Variants in GALNTL6 observed in about 807,000 individuals in gnomAD.
The protein encoded by GALNTL6 is polypeptide N-acetylgalactosaminyltransferase-like 6.
In GALNTL6, 46 loss-of-function variants were observed where a neutral mutation model predicts 73.7. That is an observed-to-expected ratio of 0.62 (90% CI 0.49 to 0.80). The LOEUF (loss-of-function observed/expected upper bound fraction) is 0.80, where lower values mean the gene tolerates loss of function less well. Among genes scored for constraint, GALNTL6 ranks in the 30% least tolerant of loss-of-function variants. The pLI is 0.00. For missense variants in GALNTL6, 604 were observed against 755.0 expected (o/e 0.80, Z 2.34); for synonymous variants, 259 against 263.7 (o/e 0.98, Z 0.17).
chr4:172,499,392 G>A (rs1734181793), intron 5 of GALNTL6, among the ~76,000 whole-genome samples: 1 of 152,214 alleles, frequency 6.6e-6, no homozygotes, highest in African/African-American at 2.4e-5. Context: ...TCACAAGACT[G>A]AATCTGCCAG....
intron 3 of GALNTL6, among the ~76,000 whole-genome samples, chr4:172,259,751 T>C (rs907341088): frequency 6.6e-6 from 1 of 151,746 alleles, no homozygotes; most frequent in East Asian, 1.9e-4. Flanking sequence ...GCCTTAGATT[T>C]AAGTCTTTGA....
Position 172,488,478 on chromosome 4 carries a change from A to G in GALNTL6, c.553+139789A>G, listed in dbSNP as rs1398295602. ...GTAGCTGCTGGCCATTAGCCGGAGC[A>G]TATAAGCATGGCTTGTCCCCATGAC... On this transcript the variant is annotated intron_variant, in intron 5 of 12. Transcript: ENST00000506823. Among the ~76,000 whole-genome samples the G allele has an allele frequency of 2.0e-5, 3 of 152,182 alleles. No homozygotes were observed. The East Asian group carries it at 5.8e-4, about 29-fold the overall frequency.
chr4:172,152,885 C>T (rs1172462655), intron 2 of GALNTL6, among the ~76,000 whole-genome samples: 1 of 152,202 alleles, frequency 6.6e-6, no homozygotes, highest in Non-Finnish European at 1.5e-5. Context: ...GCTGGGATTA[C>T]AGGCGTGAGC....
At chr4:172,372,170 A>G (rs897792821) in intron 5 of GALNTL6, among the ~76,000 whole-genome samples, 2 of 152,192 alleles carry the variant, frequency 1.3e-5, no homozygotes, top group African/African-American at 2.4e-5. Context: ...CCATCGGTAT[A>G]TAGGTTAAGG....
intron 5 of GALNTL6, among the ~76,000 whole-genome samples, chr4:172,783,570 A>G (rs369730884): frequency 6.6e-6 from 1 of 150,838 alleles, no homozygotes; most frequent in African/African-American, 2.4e-5. Flanking sequence ...TGCTGCTGTA[A>G]CAAGTTCCCA....
intron 9 of GALNTL6, among the ~76,000 whole-genome samples, chr4:172,944,376 C>T (rs530548126): frequency 1.8e-4 from 27 of 152,240 alleles, no homozygotes; most frequent in Middle Eastern, 3.4e-3. Flanking sequence ...AAATGATTAA[C>T]ATCATTAGTC....
intron 8 of GALNTL6, among the ~76,000 whole-genome samples, chr4:172,922,183 G>A (rs1255384618): frequency 3.9e-5 from 6 of 151,950 alleles, no homozygotes; most frequent in African/African-American, 7.3e-5. Flanking sequence ...TTCACCTCCC[G>A]CCATGATTCT....
chr4:172,486,334 G>A (rs1217143029), intron 5 of GALNTL6, among the ~76,000 whole-genome samples: 1 of 152,148 alleles, frequency 6.6e-6, no homozygotes, highest in Non-Finnish European at 1.5e-5. Context: ...GAAAGTTGTT[G>A]GGTCTCTATT....
chr4:172,765,859 G>A lies in GALNTL6; in HGVS notation c.554-43502G>A, dbSNP rs1579452827. On this transcript the variant is annotated intron_variant, in intron 5 of 12. Transcript: ENST00000506823. ...ACAAAACTTTCCCAAAAAATCACAT[G>A]TTTGCTGAAAAGAAAAAAAAAAGCA... 7.1e-5 allele frequency among the ~76,000 whole-genome samples: 3 copies of A among 41,974 alleles called. No individual in the cohort carries two copies. In the Admixed American group the frequency reaches 7.6e-4, roughly 11 times the overall value. 27.5% of individuals were successfully genotyped at this position (41,974 alleles called of 152,430 possible).
chr4:172,528,333 T>A (rs1432588253), intron 5 of GALNTL6, among the ~76,000 whole-genome samples: 2 of 32,534 alleles, frequency 6.1e-5, no homozygotes, highest in African/African-American at 1.5e-4. Flanking sequence ...TATATATATA[T>A]ATATATATAT....
At chr4:172,235,966 T>C (rs1238952670) in intron 3 of GALNTL6, among the ~76,000 whole-genome samples, 1 of 152,232 alleles carries the variant, frequency 6.6e-6, no homozygotes, top group Non-Finnish European at 1.5e-5. Flanking sequence ...TGTATCCATG[T>C]TGCAGCAAAG....
chr4:172,724,477 C>T (rs898570207), intron 5 of GALNTL6, among the ~76,000 whole-genome samples: 3 of 152,146 alleles, frequency 2.0e-5, no homozygotes, highest in Admixed American at 2.0e-4. Context: ...TGTGAAGCAT[C>T]TCTGAATCAA....
At chr4:171,901,429 C>G (rs1188766045) in intron 2 of GALNTL6, among the ~76,000 whole-genome samples, 4 of 152,130 alleles carry the variant, frequency 2.6e-5, no homozygotes, top group Non-Finnish European at 5.9e-5. Flanking sequence ...GAGAAGCTGG[C>G]CAGAGAAGCC....
At chr4:171,841,576 T>C (rs1027417209) in intron 2 of GALNTL6, among the ~76,000 whole-genome samples, 1 of 152,076 alleles carries the variant, frequency 6.6e-6, no homozygotes, top group African/African-American at 2.4e-5. Flanking sequence ...ATCCCAACAT[T>C]GAATAATTTG....
intron 3 of GALNTL6, among the ~76,000 whole-genome samples, chr4:172,247,234 C>A (rs1737693317): frequency 6.6e-6 from 1 of 152,112 alleles, no homozygotes; most frequent in Non-Finnish European, 1.5e-5. Flanking sequence ...TGTTTGACAG[C>A]CACCCAAATT....
chr4:171,918,498 G>A (rs963378666), intron 2 of GALNTL6, among the ~76,000 whole-genome samples: 1 of 152,016 alleles, frequency 6.6e-6, no homozygotes, highest in Non-Finnish European at 1.5e-5. Context: ...CAGTGTTACC[G>A]AGATCTTTCT....
intron 5 of GALNTL6, among the ~76,000 whole-genome samples, chr4:172,419,840 T>A (rs1345155107): frequency 6.6e-6 from 1 of 152,170 alleles, no homozygotes; most frequent in Non-Finnish European, 1.5e-5. Context: ...GTTTATTTGC[T>A]TACTTTTATG....
chr4:172,980,218 C>T (rs62341884), intron 10 of GALNTL6, among the ~76,000 whole-genome samples: 17,852 of 152,242 alleles, frequency 0.12, 1,118 homozygotes, highest in Non-Finnish European at 0.15. Context: ...TTACACAAAG[C>T]AAAAGCAACT....
At chr4:172,485,728 A>G (rs1489770635) in intron 5 of GALNTL6, among the ~76,000 whole-genome samples, 1 of 152,200 alleles carries the variant, frequency 6.6e-6, no homozygotes, top group Non-Finnish European at 1.5e-5. Context: ...GGCAAAATGA[A>G]TATGTCCTGG....
Sources: gnomAD v4.1 joint callset for allele counts (sites outside exome capture counted in the v4.1 genomes callset) on GRCh38, gnomAD v4.1.1 for gene constraint, MANE v1.5 for transcripts, NCBI Gene and HGNC (gene_info 2026-07-23, HGNC 2026-07-21) for gene names.